TMOD1: variants seen among roughly 807,000 people sequenced by gnomAD.
TMOD1 encodes tropomodulin 1.
Under a neutral mutation model 40.6 loss-of-function variants are expected in TMOD1, and 17 were observed. The observed-to-expected ratio is 0.42, with a 90% CI of 0.29 to 0.63. TMOD1 has a LOEUF of 0.63. Among genes scored for constraint, TMOD1 ranks in the 20% least tolerant of loss-of-function variants. TMOD1 has a pLI of 0.22. For missense variants in TMOD1, 391 were observed against 447.6 expected, an observed-to-expected ratio of 0.87 and a Z score of 1.14; for synonymous variants, 181 against 175.0, an observed-to-expected ratio of 1.03 and a Z score of -0.27.
chr9:97,571,970 G>C (rs918641581), intron 8 of TMOD1, among the ~76,000 whole-genome samples: 1 of 152,194 alleles, frequency 6.6e-6, no homozygotes, highest in Non-Finnish European at 1.5e-5. Flanking sequence ...CCACCCTCCA[G>C]AAGTTTCCTC....
intron 4 of TMOD1, among the ~76,000 whole-genome samples, chr9:97,559,339 A>C (rs1830582033): frequency 6.6e-6 from 1 of 152,148 alleles, no homozygotes; most frequent in Non-Finnish European, 1.5e-5. Flanking sequence ...CAGTTCTCTT[A>C]GTGATGAACA....
At chr9:97,559,772 TAAAAAA>T (rs58522887) in intron 4 of TMOD1, among the ~76,000 whole-genome samples, 1,294 of 36,702 alleles carry the variant, frequency 0.035, 62 homozygotes, top group African/African-American at 0.12. Flanking sequence ...CTCAAAAATT[TAAAAAA>T]AAAAAAAAAA....
At chr9:97,575,405 G>A (rs559173769) in intron 8 of TMOD1, among the ~76,000 whole-genome samples, 2 of 152,314 alleles carry the variant, frequency 1.3e-5, no homozygotes, top group East Asian at 3.9e-4. Context: ...GAGGGTCCGC[G>A]GCTTCATTCT....
intron 2 of TMOD1, among the ~76,000 whole-genome samples, chr9:97,530,932 C>T (rs1199972731): frequency 1.3e-5 from 2 of 151,234 alleles, no homozygotes; most frequent in African/African-American, 2.4e-5. Context: ...GACTTACAGG[C>T]GCACATCACC....
At chr9:97,554,194 G>A (rs1830499368) in intron 4 of TMOD1, among the ~76,000 whole-genome samples, 1 of 151,912 alleles carries the variant, frequency 6.6e-6, no homozygotes, top group Non-Finnish European at 1.5e-5. Flanking sequence ...GGGTGGGCGG[G>A]GTGGGGAAAG....
intron 1 of TMOD1, among the ~76,000 whole-genome samples, chr9:97,521,751 A>G (rs747146016): frequency 2.0e-5 from 3 of 152,160 alleles, no homozygotes; most frequent in Non-Finnish European, 4.4e-5. Context: ...TGTATTTGGG[A>G]AGCAAGTCCT....
At chr9:97,570,269 T>C (rs903846375) in intron 8 of TMOD1, among the ~76,000 whole-genome samples, 1 of 152,190 alleles carries the variant, frequency 6.6e-6, no homozygotes, top group Non-Finnish European at 1.5e-5. Flanking sequence ...CTCCCCACTC[T>C]CATGCCTCCA....
At chr9:97,587,226 G>T (rs2131288530) in intron 8 of TMOD1, among the ~76,000 whole-genome samples, 2 of 152,302 alleles carry the variant, frequency 1.3e-5, no homozygotes, top group Middle Eastern at 3.4e-3. Flanking sequence ...TTCATGTACA[G>T]ATTTTATGTA....
chr9:97,556,228 G>A (rs939520584), intron 4 of TMOD1, among the ~76,000 whole-genome samples: 1 of 152,182 alleles, frequency 6.6e-6, no homozygotes, highest in Non-Finnish European at 1.5e-5. Flanking sequence ...CCTAGTGCCG[G>A]CTCAGAGGCC....
chr9:97,581,507 C>A (rs1825755601), intron 8 of TMOD1, among the ~76,000 whole-genome samples: 1 of 151,984 alleles, frequency 6.6e-6, no homozygotes, highest in South Asian at 2.1e-4. Context: ...TGGGTATATA[C>A]CCAGTGATGG....
intron 2 of TMOD1, among the ~76,000 whole-genome samples, chr9:97,543,953 G>A (rs1180715198): frequency 6.6e-6 from 1 of 152,172 alleles, no homozygotes; most frequent in Non-Finnish European, 1.5e-5. Flanking sequence ...TTATGTTCCT[G>A]ATGCCCCCCA....
At chr9:97,581,322 A>G (rs1166339538) in intron 8 of TMOD1, among the ~76,000 whole-genome samples, 3 of 149,320 alleles carry the variant, frequency 2.0e-5, no homozygotes, top group East Asian at 3.9e-4. Context: ...AAGGACATGA[A>G]CTCATCATTT....
intron 9 of TMOD1, among the ~76,000 whole-genome samples, chr9:97,591,782 C>A (rs16922319): frequency 1.3e-5 from 2 of 152,090 alleles, no homozygotes; most frequent in Admixed American, 1.3e-4. Flanking sequence ...TTTCTGAACT[C>A]ATAGCGTCCT....
rs112055717 is a variant in TMOD1, at chr9:97,564,024, A to T, written c.488-14A>T. 1.9e-6 allele frequency: 3 copies of T among 1,600,876 alleles called. No homozygotes were observed. Among genetic ancestry groups the T allele is most frequent in the East Asian group, 2.2e-5 (1 of 44,548 alleles). ...TGTTTCTGTGAGCCACCTCCCTTTC[A>T]TCGGTCACTCTAGGCGTGATTAAAC... On this transcript the variant is annotated splice_polypyrimidine_tract_variant and intron_variant, in intron 5 of 9. Coordinates refer to ENST00000259365, the MANE Select transcript of TMOD1 (RefSeq NM_003275.4).
intron 1 of TMOD1, among the ~76,000 whole-genome samples, chr9:97,510,041 T>C (rs1483321371): frequency 2.0e-5 from 3 of 152,198 alleles, no homozygotes; most frequent in Non-Finnish European, 2.9e-5. Context: ...GCAAATATAT[T>C]TTCCCCCAGC....
intron 2 of TMOD1, among the ~76,000 whole-genome samples, chr9:97,524,865 G>T (rs1021266415): frequency 1.1e-5 from 1 of 88,898 alleles, no homozygotes; most frequent in African/African-American, 4.0e-5. Context: ...ACCCCCCACC[G>T]CCATATCAGG....
At chr9:97,563,291 A>T (rs1235135459) in intron 5 of TMOD1, among the ~76,000 whole-genome samples, 1 of 152,118 alleles carries the variant, frequency 6.6e-6, no homozygotes, top group Non-Finnish European at 1.5e-5. Context: ...GGACTCAAGC[A>T]ATCCTCCTGC....
At chr9:97,584,220 C>G (rs966040516) in intron 8 of TMOD1, among the ~76,000 whole-genome samples, 1 of 152,194 alleles carries the variant, frequency 6.6e-6, no homozygotes, top group East Asian at 1.9e-4. Flanking sequence ...CTCGTTGTTT[C>G]AAAGAACAAC....
At chr9:97,532,744 A>G in intron 2 of TMOD1, among the ~76,000 whole-genome samples, 1 of 152,162 alleles carries the variant, frequency 6.6e-6, no homozygotes, top group East Asian at 1.9e-4. Context: ...AGTATCCACA[A>G]CATCATGTAA....
Sources: allele counts gnomAD v4.1 joint callset (sites outside exome capture counted in the v4.1 genomes callset), GRCh38; gene constraint gnomAD v4.1.1; transcripts MANE v1.5; gene names NCBI Gene and HGNC (gene_info 2026-07-23, HGNC 2026-07-21).